HELZ2: variants seen among roughly 807,000 people sequenced by gnomAD.
HELZ2 encodes 3'-5' exoribonuclease HELZ2.
HELZ2 carries 143 observed loss-of-function variants against 208.8 expected under a neutral mutation model. That is an observed-to-expected ratio of 0.68 (90% CI 0.60 to 0.79). The LOEUF is 0.79. Ranked by LOEUF, HELZ2 falls within the 30% of genes least tolerant of loss-of-function variation. HELZ2 has a pLI of 0.00. For synonymous variants in HELZ2, 1,705 were observed against 1,693.7 expected (o/e 1.01, Z -0.16); for missense variants, 3,690 against 3,794.5 (o/e 0.97, Z 0.72).
chr20:63,563,815 C>T (rs764199841), exon 8 of HELZ2: 56 of 1,600,538 alleles, frequency 3.5e-5, no homozygotes, highest in Admixed American at 1.0e-4. Context: ...AGGTGGCCCA[C>T]GTGTACCAGT....
exon 8 of HELZ2, chr20:63,564,935 C>T (rs368003455): frequency 1.1e-5 from 18 of 1,610,786 alleles, no homozygotes; most frequent in Admixed American, 1.7e-5. Flanking sequence ...GATGCGGAGG[C>T]CCTGCTCCCA....
exon 8 of HELZ2, chr20:63,565,875 C>T (rs370784918): frequency 1.1e-5 from 18 of 1,597,712 alleles, no homozygotes; most frequent in East Asian, 2.2e-5. Flanking sequence ...TCGGCCAGGT[C>T]CCCTACTGGC....
At chr20:63,567,982 G>A (rs2082980446) in intron 5 of HELZ2, 1 of 543,276 alleles carries the variant, frequency 1.8e-6, no homozygotes, top group Non-Finnish European at 3.2e-6. Flanking sequence ...GGCCTGGGGA[G>A]GTGGTGGTGG....
At chr20:63,564,867 C>A (rs750628763) in exon 8 of HELZ2, 1 of 1,612,234 alleles carries the variant, frequency 6.2e-7, no homozygotes. Context: ...TTCTGCAGCA[C>A]CTTGGTGATG....
At chr20:63,566,407 A>G (rs1289068385) in exon 7 of HELZ2, 8 of 1,548,200 alleles carry the variant, frequency 5.2e-6, no homozygotes, top group African/African-American at 1.4e-5. Context: ...GCCGACAGAC[A>G]CCTGGCCTAG....
exon 4 of HELZ2, chr20:63,569,648 C>A: frequency 6.5e-7 from 1 of 1,536,680 alleles, no homozygotes; most frequent in Non-Finnish European, 8.8e-7. Context: ...TCAGCAGGGC[C>A]ACGTGTAGCA....
chr20:63,565,761 C>T (rs756850171), exon 8 of HELZ2: 2 of 1,601,300 alleles, frequency 1.2e-6, no homozygotes, highest in African/African-American at 1.3e-5. Context: ...GCTGCCGCAG[C>T]CTCCGTCTGC....
exon 17 of HELZ2, chr20:63,560,293 G>A: frequency 6.4e-7 from 1 of 1,559,698 alleles, no homozygotes. Context: ...GGGCTCTACG[G>A]TCCTCCCCAG....
At chr20:63,558,642 G>C (rs755736747), downstream of HELZ2, 1 of 152,152 alleles carries the variant, frequency 6.6e-6, no homozygotes. Context: ...GGAGTCAAGC[G>C]ATTCTCCTGC....
chr20:63,567,001 G>A (rs200798684), exon 6 of HELZ2: 17 of 1,610,794 alleles, frequency 1.1e-5, no homozygotes, highest in South Asian at 2.2e-5. Context: ...TGGGCTGCCC[G>A]CCACGTGGCA....
chr20:63,562,918 G>T lies in HELZ2; in HGVS notation c.5904C>A (p.His1968Gln), dbSNP rs1022286472. ...GTGACGCCTCCCAGGAGACACTCAGGTGCTGAAGTGTGACGGAGTCATTCT... is the reference window on the plus strand; with the variant it reads ...GTGACGCCTCCCAGGAGACACTCAGTTGCTGAAGTGTGACGGAGTCATTCT... Residue 1968 changes from histidine (H) to glutamine (Q), a missense_variant, in exon 8 of 19, where the codon CAC (histidine) becomes CAA (glutamine). Coordinates refer to ENST00000467148, the Ensembl canonical transcript of HELZ2. 3.1e-6 allele frequency: 5 copies of T among 1,594,444 alleles called. No individual in the cohort carries two copies. In the Admixed American group the frequency reaches 7.1e-5, roughly 23 times the overall value.
At chr20:63,568,823 G>A in exon 5 of HELZ2, 1 of 1,612,220 alleles carries the variant, frequency 6.2e-7, no homozygotes, top group Non-Finnish European at 8.5e-7. Flanking sequence ...TGCAGGTACA[G>A]GGGCCACCAG....
exon 8 of HELZ2, chr20:63,565,681 C>T (rs1331667285): frequency 5.6e-6 from 9 of 1,609,062 alleles, no homozygotes; most frequent in Non-Finnish European, 6.8e-6. Context: ...ACTCCACGCC[C>T]GCTGCAGCAG....
At chr20:63,561,458 G>A (rs1356297637) in exon 13 of HELZ2, 2 of 1,608,420 alleles carry the variant, frequency 1.2e-6, no homozygotes, top group East Asian at 4.5e-5. Flanking sequence ...GTGGTGCAGG[G>A]TGATGCTCCT....
At chr20:63,570,945 C>T in intron 1 of HELZ2, 77 bp from the exon 3 acceptor site, 2 of 1,195,422 alleles carry the variant, frequency 1.7e-6, no homozygotes, top group Non-Finnish European at 2.3e-6. Flanking sequence ...GACCCCTCAG[C>T]CCAATACTGG....
At chr20:63,558,955 T>A, downstream of HELZ2, 1 of 309,554 alleles carries the variant, frequency 3.2e-6, no homozygotes, top group African/African-American at 2.1e-5. Context: ...GTTTCCTTCC[T>A]GGTTCTGAGA....
exon 2 of HELZ2, chr20:63,570,799 G>C: frequency 6.2e-7 from 1 of 1,611,064 alleles, no homozygotes. Context: ...GCGTGCGCCG[G>C]ACCCACTCCT....
At chr20:63,561,499 G>T in intron 12 of HELZ2, 33 bp from the exon 14 acceptor site, 1 of 1,584,842 alleles carries the variant, frequency 6.3e-7, no homozygotes, top group South Asian at 1.1e-5. Context: ...CCCTGTCCAC[G>T]CAGGGCCATC....
Position 63,564,314 on chromosome 20 carries a change from G to T in HELZ2, c.4508C>A (p.Ser1503Tyr). Residue 1503 changes from serine to tyrosine, a missense_variant, in exon 8 of 19, where the codon TCC (serine) becomes TAC (tyrosine). Ser to Tyr is a moderately radical substitution (Grantham distance 144, BLOSUM62 -2). Around this residue, in one of 3 missense-constraint regions of HELZ2, gnomAD observed 2,564 missense variants for 2,580.5 expected, o/e 0.99. Transcript: ENST00000467148. ...GTCCGGCTGCTCATAGAAGCAGTCGGACCGCAGGCGGTGCCGGCGCAGCAG... is the reference window on the plus strand; with the variant it reads ...GTCCGGCTGCTCATAGAAGCAGTCGTACCGCAGGCGGTGCCGGCGCAGCAG... 5 of 1,598,162 alleles carry T rather than the reference G, an allele frequency of 3.1e-6. No individual in the cohort carries two copies. The South Asian group carries it at 3.3e-5, about 11-fold the overall frequency.
Sources: gnomAD v4.1 joint callset for allele counts on GRCh38, gnomAD v4.1.1 for gene constraint, gnomAD v4.1.1 regional missense constraint, MANE v1.5 for transcripts, NCBI Gene and HGNC (gene_info 2026-07-23, HGNC 2026-07-21) for gene names.